The following INO80C variants were observed in gnomAD, a reference collection of about 807,000 sequenced individuals.
The protein encoded by INO80C is IES6 homolog.
Under a neutral mutation model 17.7 loss-of-function variants are expected in INO80C, and 17 were observed. The observed-to-expected ratio is 0.96, with a 90% confidence interval of 0.66 to 1.44. INO80C has a LOEUF of 1.44. INO80C is among the 40% of genes most tolerant of loss of function. INO80C has a pLI of 0.00. For synonymous variants in INO80C, 96 were observed against 95.8 expected (o/e 1.00, Z -0.01); for missense variants, 244 against 245.0 (o/e 1.00, Z 0.03).
At chr18:35,496,262 C>G (rs1459011492) in intron 1 of INO80C, among the ~76,000 whole-genome samples, 1 of 150,848 alleles carries the variant, frequency 6.6e-6, no homozygotes, top group Non-Finnish European at 1.5e-5. Flanking sequence ...AAATATTCAT[C>G]GGGTGTATGT....
intron 1 of INO80C, among the ~76,000 whole-genome samples, chr18:35,494,686 C>T (rs2045963088): frequency 6.6e-6 from 1 of 152,206 alleles, no homozygotes; most frequent in Non-Finnish European, 1.5e-5. Context: ...GACAAGAACT[C>T]GGCTAACACT....
chr18:35,475,333 A>C (rs2045722779), intron 4 of INO80C, among the ~76,000 whole-genome samples: 1 of 152,244 alleles, frequency 6.6e-6, no homozygotes, highest in African/African-American at 2.4e-5. Context: ...CCCAGACTTG[A>C]AAATGTCATT....
intron 4 of INO80C, among the ~76,000 whole-genome samples, chr18:35,469,687 T>C (rs1461836519): frequency 2.0e-5 from 3 of 152,174 alleles, no homozygotes; most frequent in African/African-American, 7.2e-5. Context: ...ACATCTCTGT[T>C]GCTTTAAAGT....
intron 1 of INO80C, chr18:35,488,980 A>G (rs242066): frequency 0.79 from 121,871 of 153,564 alleles, 48,560 homozygotes; most frequent in East Asian, 0.98. Flanking sequence ...CATAGCAACA[A>G]CCACCTTTAC....
chr18:35,497,863 T>G lies in INO80C; in HGVS notation c.12A>C (p.Gln4His), dbSNP rs773811280. 1 of 1,571,998 alleles carries G rather than the reference T, an allele frequency of 6.4e-7. No homozygotes were observed. Among genetic ancestry groups the G allele is most frequent in the Non-Finnish European group, 8.6e-7 (1 of 1,156,520 alleles). Reference sequence around the variant, plus strand: ...TGGAAGTGGTGGCCACAATTGGAATTTGCGCCGCCATCGCACTCCGAGTCT... The same window carrying G: ...TGGAAGTGGTGGCCACAATTGGAATGTGCGCCGCCATCGCACTCCGAGTCT... MAA[Q>H]IPIVATTSTP... Residue 4 changes from glutamine to histidine, a missense_variant, in exon 1 of 5, where the codon CAA becomes CAC. Physicochemically the swap from Gln to His is conservative, Grantham distance 24 (BLOSUM62 0). Transcript: ENST00000334598.
At chr18:35,492,346 A>AT (rs982499746) in intron 1 of INO80C, among the ~76,000 whole-genome samples, 1 of 152,236 alleles carries the variant, frequency 6.6e-6, no homozygotes, top group Non-Finnish European at 1.5e-5. Context: ...ATAAAAGACT[A>AT]TTTGACTTTT....
At chr18:35,497,529 A>C in intron 1 of INO80C, 190 bp downstream of exon 1, 1 of 1,395,666 alleles carries the variant, frequency 7.2e-7, no homozygotes, top group Non-Finnish European at 9.3e-7. Context: ...CTTACAACAC[A>C]AGGCGTTGTA....
chr18:35,472,046 A>G (rs1303003728), intron 4 of INO80C, among the ~76,000 whole-genome samples: 5 of 152,252 alleles, frequency 3.3e-5, no homozygotes, highest in Admixed American at 3.3e-4. Flanking sequence ...TATTGTGAAT[A>G]GTGCTACAAT....
At chr18:35,478,608 G>A (rs183086354) in intron 3 of INO80C, among the ~76,000 whole-genome samples, 2 of 152,180 alleles carry the variant, frequency 1.3e-5, no homozygotes, top group East Asian at 1.9e-4. Context: ...AGAACCACCG[G>A]AAAGCTCATC....
In INO80C at chr18:35,468,566, G is replaced by A. The variant is rs1467038908; in HGVS notation, c.*45C>T. On this transcript the variant is annotated 3_prime_UTR_variant, in exon 5 of 5. Coordinates refer to ENST00000334598, the MANE Select transcript of INO80C (RefSeq NM_194281.4). Reference sequence around the variant, plus strand: ...CGTGAAACAAAATCATGAGTCCAGAGTCTGTTTTTGAAACAGCTTTCCACT... The same window carrying A: ...CGTGAAACAAAATCATGAGTCCAGAATCTGTTTTTGAAACAGCTTTCCACT... 1.2e-6 allele frequency: 2 copies of A among 1,613,578 alleles called. No homozygotes were observed. Among genetic ancestry groups the A allele is most frequent in the Non-Finnish European group, 1.7e-6 (2 of 1,179,704 alleles).
chr18:35,497,800 G>C lies in INO80C; in HGVS notation c.75C>G (p.Ala25=), dbSNP rs2144103224. 1 of 1,613,056 alleles carries C rather than the reference G, an allele frequency of 6.2e-7. No individual in the cohort carries two copies. The highest frequency in any genetic ancestry group is 2.2e-5 in the East Asian group (1 of 44,644). Residue 25 remains alanine (A), a synonymous_variant, in exon 1 of 5, where the codon GCC becomes GCG. Coordinates refer to ENST00000334598, the MANE Select transcript of INO80C (RefSeq NM_194281.4). ...CGCTGCTGCCATTGTGGGAAGGGCTGGCCGGCCTCTTCTTGCTGTTCCGGA... is the reference window on the plus strand; with the variant it reads ...CGCTGCTGCCATTGTGGGAAGGGCTCGCCGGCCTCTTCTTGCTGTTCCGGA... The part of the protein sequence containing the change: ...GIVRNSKKRP[A]SPSHNGSSGG...
At chr18:35,479,221 C>T (rs1047035592) in intron 3 of INO80C, 79 bp downstream of exon 3, 1 of 888,032 alleles carries the variant, frequency 1.1e-6, no homozygotes. Context: ...GATGCAAACA[C>T]AATACAATAA....
intron 1 of INO80C, among the ~76,000 whole-genome samples, chr18:35,485,885 G>A (rs2045868625): frequency 6.6e-6 from 1 of 152,252 alleles, no homozygotes; most frequent in Admixed American, 6.5e-5. Flanking sequence ...AACACTTTGG[G>A]AGGCTGAGGC....
intron 1 of INO80C, chr18:35,487,543 G>T: frequency 5.9e-6 from 1 of 169,964 alleles, no homozygotes; most frequent in Non-Finnish European, 1.3e-5. Flanking sequence ...CATGAGAACA[G>T]CATGGGGGAA....
chr18:35,468,583 C>A lies in INO80C; in HGVS notation c.*28G>T. 1 of 1,613,898 alleles carries A rather than the reference C, an allele frequency of 6.2e-7. No homozygotes were observed. Among genetic ancestry groups the A allele is most frequent in the Non-Finnish European group, 8.5e-7 (1 of 1,179,926 alleles). On this transcript the variant is annotated 3_prime_UTR_variant, in exon 5 of 5. Coordinates refer to ENST00000334598, the MANE Select transcript of INO80C (RefSeq NM_194281.4). ...AGTCCAGAGTCTGTTTTTGAAACAG[C>A]TTTCCACTTCATCTCCCTTTCTGGG...
At chr18:35,484,706 T>C (rs1419865262) in intron 1 of INO80C, among the ~76,000 whole-genome samples, 1 of 152,250 alleles carries the variant, frequency 6.6e-6, no homozygotes, top group Admixed American at 6.5e-5. Context: ...ACTTTATTTA[T>C]ATCAGGGACT....
At chr18:35,496,347 G>A (rs1321075008) in intron 1 of INO80C, among the ~76,000 whole-genome samples, 1 of 152,196 alleles carries the variant, frequency 6.6e-6, no homozygotes, top group Non-Finnish European at 1.5e-5. Context: ...AGATGCAAAA[G>A]AATATGTTCC....
At chr18:35,475,635 T>C (rs568982080) in intron 4 of INO80C, among the ~76,000 whole-genome samples, 1 of 151,606 alleles carries the variant, frequency 6.6e-6, no homozygotes, top group South Asian at 2.1e-4. Context: ...ATGGCATCAC[T>C]GCACTCCAGC....
At chr18:35,477,290 C>T (rs2045748960) in intron 4 of INO80C, among the ~76,000 whole-genome samples, 2 of 133,096 alleles carry the variant, frequency 1.5e-5, no homozygotes, top group African/African-American at 5.0e-5. Flanking sequence ...CACACATGAA[C>T]GAAAGAAAGC....
Sources: gnomAD v4.1 joint callset for allele counts (sites outside exome capture counted in the v4.1 genomes callset) on GRCh38, gnomAD v4.1.1 for gene constraint, MANE v1.5 for transcripts, NCBI Gene and HGNC (gene_info 2026-07-23, HGNC 2026-07-21) for gene names.